Variants in DNAH1 observed in about 807,000 individuals in gnomAD.
The protein encoded by DNAH1 is dynein axonemal heavy chain 1, also known as axonemal beta dynein heavy chain 1.
DNAH1 carries 327 observed loss-of-function variants against 484.3 expected under a neutral mutation model. That is an observed-to-expected ratio of 0.68 (90% CI 0.62 to 0.74). The LOEUF is 0.74. DNAH1 is among the 30% of genes least tolerant of loss of function. DNAH1 has a pLI of 0.00. For missense variants in DNAH1, 5,052 were observed against 5,546.8 expected, an observed-to-expected ratio of 0.91 and a Z score of 2.83; for synonymous variants, 2,192 against 2,191.9, an observed-to-expected ratio of 1.00 and a Z score of 0.00.
Position 52,381,575 on chromosome 3 carries a change from G to A in DNAH1, c.7609-65G>A. On this transcript the variant is annotated intron_variant, in intron 48 of 77. Transcript: ENST00000420323. The surrounding 1 kb of genome is among the most constrained non-coding windows in gnomAD (Gnocchi z 4.1). ...GACAGAGAAGAAAGCGGGTGGGTGG[G>A]GGGAATCGGGGAGACCCTACAGTAA... The A allele has an allele frequency of 1.4e-6, 2 of 1,450,168 alleles. No individual in the cohort carries two copies. The highest frequency in any genetic ancestry group is 4.2e-5 in the Admixed American group (2 of 47,488). The allele number at this position is 1,450,168 out of a possible 1,614,324, so 89.8% of individuals were successfully genotyped here. A position where few individuals can be genotyped will look rare whatever the true frequency, so the allele number is the denominator to read the frequency against.
chr3:52,385,122 A>G, intron 53 of DNAH1, 145 bp downstream of exon 53: 1 of 1,153,028 alleles, frequency 8.7e-7, no homozygotes, highest in South Asian at 1.6e-5. Context: ...CCTCATCAAA[A>G]GAACAAAAGT....
At chr3:52,347,498 C>T (rs1277006336) in intron 11 of DNAH1, among the ~76,000 whole-genome samples, 5 of 152,068 alleles carry the variant, frequency 3.3e-5, no homozygotes, top group African/African-American at 7.2e-5. Context: ...TGCTGTGTAG[C>T]GAAGATGGGA....
rs760516540 is a variant in DNAH1, at chr3:52,380,049, TGCCCCTTCCA to T, written c.7527_7536del (p.Gln2511PhefsTer24). On this transcript the variant is annotated frameshift_variant, in exon 48 of 78. Transcript: ENST00000420323. LOFTEE classifies it high-confidence loss of function. ...GTGGGAGGTGACCTTCAACAAGGTC[TGCCCCTTCCA>T]GCCCATTCTTTACGGGGACTTCATG... 5.0e-6 allele frequency: 8 copies of T among 1,603,252 alleles called. No individual in the cohort carries two copies. The highest frequency in any genetic ancestry group is 5.1e-6 in the Non-Finnish European group (6 of 1,174,980).
rs772030262 is a variant in DNAH1 at position 52,392,645 on chromosome 3, A to G, written c.10234A>G (p.Ile3412Val). 7.4e-6 allele frequency: 12 copies of G among 1,611,398 alleles called. No homozygotes were observed. Among genetic ancestry groups the G allele is most frequent in the Non-Finnish European group, 1.0e-5 (12 of 1,178,758 alleles). The change falls in exon 64 of 78, where the codon ATC becomes GTC. Residue 3412 changes from isoleucine to valine, a missense_variant. Physicochemically the swap from Ile to Val is conservative, Grantham distance 29 (BLOSUM62 3). Coordinates refer to ENST00000420323, the MANE Select transcript of DNAH1 (RefSeq NM_015512.5). ...CAACCCTGTAGATGACATGGAACTC[A>G]TCAAGGTGCTGGAAGCCTCCAAGAT... is the stretch of plus-strand genomic sequence containing the variant. The part of the protein sequence containing the change: ...EGNPVDDMEL[I>V]KVLEASKMKA...
rs996417850 is a variant in DNAH1, at chr3:52,368,857, C to T, written c.5882C>T (p.Thr1961Met). Residue 1961 changes from threonine to methionine, a missense_variant, in exon 37 of 78, where the codon ACG (threonine) becomes ATG (methionine). Physicochemically the swap from Thr to Met is moderately conservative, Grantham distance 81. Around this residue, in one of 4 missense-constraint regions of DNAH1, gnomAD observed 2,929 missense variants for 3,409.4 expected, o/e 0.86. Transcript: ENST00000420323. This position sits in a 1 kb window ranked among gnomAD's most constrained non-coding sequence, Gnocchi z 4.4. ...GCCATCTGGATTGAGAACATGAACA[C>T]GGTGCTGGATGACAACAAGAAGCTG... ...VDAIWIENMNTVLDDNKKLCL... is the reference protein window; with the variant it reads ...VDAIWIENMNMVLDDNKKLCL... 4 of 1,613,884 alleles carry T rather than the reference C, an allele frequency of 2.5e-6. No individual in the cohort carries two copies. The African/African-American group carries it at 4.0e-5, about 16-fold the overall frequency.
chr3:52,321,406 G>A (rs942640941), intron 1 of DNAH1, among the ~76,000 whole-genome samples: 1 of 152,168 alleles, frequency 6.6e-6, no homozygotes, highest in Non-Finnish European at 1.5e-5. Context: ...GTGAGCCACC[G>A]CCCCGGCCTC....
upstream of DNAH1, among the ~76,000 whole-genome samples, chr3:52,311,373 CT>C (rs1288245340): frequency 6.6e-6 from 1 of 152,132 alleles, no homozygotes; most frequent in Non-Finnish European, 1.5e-5. Flanking sequence ...TTGGCTCATG[CT>C]TTTTTGCCTC....
chr3:52,366,427 G>C, intron 34 of DNAH1, 30 bp from the exon 35 acceptor site: 1 of 1,555,880 alleles, frequency 6.4e-7, no homozygotes, highest in Non-Finnish European at 8.7e-7. Context: ...CCCATGCTCT[G>C]ACCCTTGGGC....
chr3:52,348,590 C>T (rs1375177745), intron 12 of DNAH1, among the ~76,000 whole-genome samples: 2 of 152,242 alleles, frequency 1.3e-5, no homozygotes, highest in East Asian at 3.8e-4. Context: ...GTCTTTTCTG[C>T]ACCTTTTCTT....
chr3:52,345,631 C>T lies in DNAH1; in HGVS notation c.1581C>T (p.Ser527=). 3.7e-6 allele frequency: 6 copies of T among 1,611,068 alleles called. No homozygotes were observed. The highest frequency in any genetic ancestry group is 3.3e-5 in the South Asian group (3 of 90,394). The change falls in exon 10 of 78, where the codon TCC becomes TCT. Residue 527 remains serine (S), a synonymous_variant. Transcript: ENST00000420323. ...RAECNKVTAM[S]LFHSSLSKYS... ...AGTGCAACAAGGTGACCGCCATGTC[C>T]CTGTTCCACTCGAGCCTCTCCAAGT... is the stretch of plus-strand genomic sequence containing the variant.
intron 8 of DNAH1, among the ~76,000 whole-genome samples, chr3:52,342,124 G>A (rs1171777924): frequency 6.6e-6 from 1 of 152,260 alleles, no homozygotes; most frequent in Non-Finnish European, 1.5e-5. Flanking sequence ...GGGAAGAAGA[G>A]GATTCTGGCA....
chr3:52,334,626 TA>T (rs1021542977), intron 8 of DNAH1, among the ~76,000 whole-genome samples: 2 of 150,282 alleles, frequency 1.3e-5, no homozygotes, highest in African/African-American at 4.9e-5. Flanking sequence ...CCATCTCTAC[TA>T]AAAAAAAATA....
rs368557819 is a variant in DNAH1, at chr3:52,376,068, C to T, written c.7198+75C>T. The T allele has an allele frequency of 7.7e-6, 12 of 1,559,332 alleles. No homozygotes were observed. In the Admixed American group the frequency reaches 1.0e-4, roughly 13 times the overall value. ...TGGGCTCTGGTTGGGTGTGTTGAGG[C>T]TGCGACCAGGCGCCGTGGTGAACCA... On this transcript the variant is annotated intron_variant, in intron 46 of 77. Transcript: ENST00000420323.
At chr3:52,380,915 T>C (rs375260365) in intron 48 of DNAH1, among the ~76,000 whole-genome samples, 1 of 152,130 alleles carries the variant, frequency 6.6e-6, no homozygotes, top group Non-Finnish European at 1.5e-5. Context: ...TCCAGAGCAT[T>C]TATTAGGGGA....
At chr3:52,394,765 C>T (rs1262072455) in intron 67 of DNAH1, 104 bp downstream of exon 67, 2 of 1,481,012 alleles carry the variant, frequency 1.4e-6, no homozygotes, top group Admixed American at 4.6e-5. Context: ...CAGGGTTGCC[C>T]TGTGGCTGTG....
Position 52,389,594 on chromosome 3 carries a change from C to T in DNAH1, c.9621+8C>T, listed in dbSNP as rs1704281395. 1 of 1,462,284 alleles carries T rather than the reference C, an allele frequency of 6.8e-7. No individual in the cohort carries two copies. Among genetic ancestry groups the T allele is most frequent in the Non-Finnish European group, 9.1e-7 (1 of 1,104,940 alleles). 90.6% of individuals were successfully genotyped at this position (1,462,284 alleles called of 1,614,324 possible). A position where few individuals can be genotyped will look rare whatever the true frequency, so the allele number is the denominator to read the frequency against. On this transcript the variant is annotated splice_region_variant and intron_variant, in intron 60 of 77. Transcript: ENST00000420323. ...AAGATCCGATCGTGGCAGGTGCCCA[C>T]CCCAGGGGCAGGAGTGCCCAGGCAG...
Position 52,390,394 on chromosome 3 carries a change from G to A in DNAH1, c.9622-541G>A, listed in dbSNP as rs1041987741. Reference sequence around the variant, plus strand: ...ATGGGAGGATCACCTGAACCCAGGAGGTGGAGGCTCCAGTGAGCCAAGATC... The same window carrying A: ...ATGGGAGGATCACCTGAACCCAGGAAGTGGAGGCTCCAGTGAGCCAAGATC... On this transcript the variant is annotated intron_variant, in intron 60 of 77. Coordinates refer to ENST00000420323, the MANE Select transcript of DNAH1 (RefSeq NM_015512.5). 2.0e-5 allele frequency among the ~76,000 whole-genome samples: 3 copies of A among 152,256 alleles called. No individual in the cohort carries two copies. In the East Asian group the frequency reaches 5.8e-4, roughly 29 times the overall value.
At chr3:52,385,292 C>T (rs1340450783) in intron 53 of DNAH1, 45 bp from the exon 54 acceptor site, 17 of 1,535,164 alleles carry the variant, frequency 1.1e-5, no homozygotes, top group Non-Finnish European at 1.4e-5. Context: ...TGTGCTCTCT[C>T]TGTCCCTGCC....
At chr3:52,373,092 G>C in intron 44 of DNAH1, 39 bp downstream of exon 44, 1 of 1,581,398 alleles carries the variant, frequency 6.3e-7, no homozygotes. Context: ...CAAGGGCTAC[G>C]CGTGCTGTGC....
Sources: gnomAD v4.1 joint callset for allele counts (sites outside exome capture counted in the v4.1 genomes callset) on GRCh38, gnomAD v4.1.1 for gene constraint, gnomAD v4.1.1 regional missense constraint, Gnocchi (gnomAD v3.1) non-coding constraint, MANE v1.5 for transcripts, NCBI Gene and HGNC (gene_info 2026-07-23, HGNC 2026-07-21) for gene names.